PIEZO1: variants seen among roughly 807,000 people sequenced by gnomAD.
PIEZO1 encodes piezo-type mechanosensitive ion channel component 1.
Under a neutral mutation model 297.2 loss-of-function variants are expected in PIEZO1, and 296 were observed. The ratio of observed to expected loss-of-function variants is 1.00; its 90% confidence interval spans 0.91 to 1.10. The LOEUF is 1.10. Ranked by LOEUF, PIEZO1 falls within the 50% of genes least tolerant of loss-of-function variation. The pLI, the probability that PIEZO1 is intolerant of heterozygous loss-of-function variation, is 0.00. For missense variants in PIEZO1, 5,018 were observed against 3,455.5 expected (o/e 1.45, Z -11.34); for synonymous variants, 2,427 against 1,507.5 (o/e 1.61, Z -14.13).
intron 29 of PIEZO1, 107 bp from the exon 30 acceptor site, chr16:88,725,187 C>A (rs1196384048): frequency 3.7e-6 from 3 of 814,760 alleles, no homozygotes; most frequent in South Asian, 1.8e-5. Context: ...CAGACACGGA[C>A]ACCCACAGTG....
At chr16:88,784,320 T>C (rs1158270212) in intron 1 of PIEZO1, among the ~76,000 whole-genome samples, 6 of 152,164 alleles carry the variant, frequency 3.9e-5, no homozygotes. Context: ...ACACTATTTT[T>C]TTCCAAAGTG....
At chr16:88,730,990 C>A (rs745437313) in intron 22 of PIEZO1, among the ~76,000 whole-genome samples, 1 of 151,446 alleles carries the variant, frequency 6.6e-6, no homozygotes, top group Non-Finnish European at 1.5e-5. Flanking sequence ...GGTGGGACGC[C>A]CCTGAGCCGG....
At position 88,715,447 on chromosome 16, in the gene PIEZO1, T is replaced by G. The variant is rs924760381; in HGVS notation, c.*158A>C. Reference sequence around the variant, plus strand: ...AGGCCGTGGGGACGCAGTGTCCTTCTCTGACAGCAGCATCAGGGCTCAGGC... The same window carrying G: ...AGGCCGTGGGGACGCAGTGTCCTTCGCTGACAGCAGCATCAGGGCTCAGGC... On this transcript the variant is annotated 3_prime_UTR_variant, in exon 51 of 51. Coordinates refer to ENST00000301015, the MANE Select transcript of PIEZO1 (RefSeq NM_001142864.4). 2 of 951,250 alleles carry G rather than the reference T, an allele frequency of 2.1e-6. No individual in the cohort carries two copies. The highest frequency in any genetic ancestry group is 3.1e-6 in the Non-Finnish European group (2 of 644,976). The allele number at this position is 951,250 out of a possible 1,614,324, so 58.9% of individuals were successfully genotyped here. A position where few individuals can be genotyped will look rare whatever the true frequency, so the allele number is the denominator to read the frequency against.
At chr16:88,747,788 G>A (rs1906142278) in intron 2 of PIEZO1, among the ~76,000 whole-genome samples, 1 of 152,216 alleles carries the variant, frequency 6.6e-6, no homozygotes, top group East Asian at 1.9e-4. Context: ...ATTAGCCGGG[G>A]AGGCAGATGG....
rs143004911 is a variant in PIEZO1, at chr16:88,737,957, G to A, written c.997C>T (p.Arg333Cys). The A allele has an allele frequency of 8.1e-4, 1,238 of 1,532,492 alleles. 12 individuals are homozygous for A. In the East Asian group the frequency reaches 0.02, roughly 24 times the overall value. The allele number at this position is 1,532,492 out of a possible 1,614,324, so 94.9% of individuals were successfully genotyped here. The change falls in exon 8 of 51, where the codon CGC (arginine) becomes TGC (cysteine). Residue 333 changes from arginine (R) to cysteine (C), a missense_variant. Arg to Cys is a radical substitution (Grantham distance 180). Coordinates refer to ENST00000301015, the MANE Select transcript of PIEZO1 (RefSeq NM_001142864.4). ...CYATASLRKL[R>C]AYRPSGQRKE... Reference sequence around the variant, plus strand: ...ACCTGGCCGGAGGGGCGGTACGCGCGGAGCTTGCGCAGAGAGGCCGTGGCG... The same window carrying A: ...ACCTGGCCGGAGGGGCGGTACGCGCAGAGCTTGCGCAGAGAGGCCGTGGCG...
intron 39 of PIEZO1, among the ~76,000 whole-genome samples, chr16:88,720,956 C>A (rs1912394183): frequency 6.6e-6 from 1 of 152,174 alleles, no homozygotes; most frequent in Non-Finnish European, 1.5e-5. Context: ...GGCCAACAGT[C>A]ACCCTACACG....
intron 1 of PIEZO1, among the ~76,000 whole-genome samples, chr16:88,779,147 T>C (rs1447190323): frequency 6.6e-6 from 1 of 151,712 alleles, no homozygotes; most frequent in Non-Finnish European, 1.5e-5. Flanking sequence ...GTTCCGGCGA[T>C]TCTCCTGTCT....
At position 88,725,670 on chromosome 16, in the gene PIEZO1, T is replaced by C. The variant is rs1904371670; in HGVS notation, c.3983A>G (p.Tyr1328Cys). 6.5e-7 allele frequency: 1 copy of C among 1,545,156 alleles called. No individual in the cohort carries two copies. The highest frequency in any genetic ancestry group is 1.4e-5 in the African/African-American group (1 of 72,996). Reference sequence around the variant, plus strand: ...AATGCTCTTGAGGTTGGCAGCGTTGTAGAGGGCGAAGCCCCTGTAGGGAGG... The same window carrying C: ...AATGCTCTTGAGGTTGGCAGCGTTGCAGAGGGCGAAGCCCCTGTAGGGAGG... ...ALLASRGFAL[Y>C]NAANLKSIDF... Residue 1328 changes from tyrosine to cysteine, a missense_variant, in exon 28 of 51, where the codon TAC becomes TGC. Coordinates refer to ENST00000301015, the MANE Select transcript of PIEZO1 (RefSeq NM_001142864.4).
At chr16:88,753,448 TCA>T (rs943317305) in intron 1 of PIEZO1, among the ~76,000 whole-genome samples, 1 of 151,574 alleles carries the variant, frequency 6.6e-6, no homozygotes, top group African/African-American at 2.4e-5. Flanking sequence ...AGGGGCAGCC[TCA>T]CGGGTGGGAT....
rs1366384153 is a variant in PIEZO1 at position 88,726,244 on chromosome 16, C to T, written c.3968+40G>A. ...ACCTCCCATTGCCCCCTCCCAGCCC[C>T]AAGACGGGAGCTCTGGGCTGTGTCT... is the stretch of plus-strand genomic sequence containing the variant. On this transcript the variant is annotated intron_variant, in intron 27 of 50. Coordinates refer to ENST00000301015, the MANE Select transcript of PIEZO1 (RefSeq NM_001142864.4). 5 of 1,505,110 alleles carry T rather than the reference C, an allele frequency of 3.3e-6. No individual in the cohort carries two copies. In the South Asian group the frequency reaches 5.0e-5, roughly 15 times the overall value. The allele number at this position is 1,505,110 out of a possible 1,614,324, so 93.2% of individuals were successfully genotyped here.
Position 88,738,744 on chromosome 16 carries a change from G to A in PIEZO1, c.466-8C>T, listed in dbSNP as rs1436048405. The A allele has an allele frequency of 2.6e-6, 4 of 1,525,288 alleles. No homozygotes were observed. The highest frequency in any genetic ancestry group is 3.5e-6 in the Non-Finnish European group (4 of 1,138,484). 94.5% of individuals were successfully genotyped at this position (1,525,288 alleles called of 1,614,324 possible). A position where few individuals can be genotyped will look rare whatever the true frequency, so the allele number is the denominator to read the frequency against. ...ATCCCTCTCATCATCATCCTGCCAA[G>A]GTCACGGACAGGGGCAAGGTCAGGT... On this transcript the variant is annotated splice_region_variant and splice_polypyrimidine_tract_variant and intron_variant, in intron 5 of 50. Coordinates refer to ENST00000301015, the MANE Select transcript of PIEZO1 (RefSeq NM_001142864.4).
intron 22 of PIEZO1, 95 bp downstream of exon 22, chr16:88,731,611 G>A: frequency 1.1e-6 from 1 of 918,336 alleles, no homozygotes; most frequent in Admixed American, 2.1e-5. Context: ...CTAAGTCTAG[G>A]AGGGTGGACA....
chr16:88,719,540 C>T lies in PIEZO1; in HGVS notation c.6471+34G>A, dbSNP rs1396557290. On this transcript the variant is annotated intron_variant, in intron 44 of 50. Coordinates refer to ENST00000301015, the MANE Select transcript of PIEZO1 (RefSeq NM_001142864.4). ...TCTTAGGGAGAGGGCATATCCCTGG[C>T]CCTTGTCCCGGCCCCCGCCCTGGGC... The T allele has an allele frequency of 2.6e-6, 4 of 1,538,220 alleles. 1 individual carries two copies. The highest frequency in any genetic ancestry group is 1.4e-5 in the African/African-American group (1 of 72,836).
In PIEZO1 at chr16:88,726,303, T is replaced by A; in HGVS notation, c.3949A>T (p.Thr1317Ser). The change falls in exon 27 of 51, where the codon ACC becomes TCC. Residue 1317 changes from threonine (T) to serine (S), a missense_variant. Physicochemically the swap from Thr to Ser is moderately conservative, Grantham distance 58. Coordinates refer to ENST00000301015, the MANE Select transcript of PIEZO1 (RefSeq NM_001142864.4). ...YLHVRADLQA[T>S]ALLASRGFAL... ...GCTTGCCTGGAGGCTAGCAGGGCGG[T>A]GGCCTGGAGGTCGGCCCTGACGTGC... is the stretch of plus-strand genomic sequence containing the variant. 1.3e-6 allele frequency: 2 copies of A among 1,549,516 alleles called. No homozygotes were observed. The highest frequency in any genetic ancestry group is 2.4e-5 in the South Asian group (2 of 84,000).
rs534147613 is a variant in PIEZO1 at position 88,738,491 on chromosome 16, G to A, written c.635-51C>T. 231 of 1,521,098 alleles carry A rather than the reference G, an allele frequency of 1.5e-4. No individual in the cohort carries two copies. The East Asian group carries it at 1.7e-3, about 11-fold the overall frequency. 94.2% of individuals were successfully genotyped at this position (1,521,098 alleles called of 1,614,324 possible). A position where few individuals can be genotyped will look rare whatever the true frequency, so the allele number is the denominator to read the frequency against. ...GTACCTGGCCAGTGCCATGTGTCCCGCTGTCTCCACAGTCATCAGGGAACT... is the reference window on the plus strand; with the variant it reads ...GTACCTGGCCAGTGCCATGTGTCCCACTGTCTCCACAGTCATCAGGGAACT... On this transcript the variant is annotated intron_variant, in intron 6 of 50. Transcript: ENST00000301015.
At chr16:88,776,381 C>T (rs1907664602) in intron 1 of PIEZO1, among the ~76,000 whole-genome samples, 2 of 152,204 alleles carry the variant, frequency 1.3e-5, no homozygotes, top group South Asian at 4.1e-4. Context: ...TTGCAGTGAG[C>T]CCAGACTGGG....
intron 1 of PIEZO1, among the ~76,000 whole-genome samples, chr16:88,759,544 G>C (rs747564876): frequency 1.3e-5 from 2 of 152,204 alleles, no homozygotes; most frequent in African/African-American, 2.4e-5. Flanking sequence ...GGGCCGGGCA[G>C]AGGAAGAGAG....
At chr16:88,766,326 G>T (rs1907177680) in intron 1 of PIEZO1, among the ~76,000 whole-genome samples, 1 of 152,198 alleles carries the variant, frequency 6.6e-6, no homozygotes, top group Admixed American at 6.5e-5. Context: ...CGCACAGCCT[G>T]GACTCGAGAC....
intron 17 of PIEZO1, 23 bp from the exon 18 acceptor site, chr16:88,733,768 G>A (rs11649478): frequency 8.6e-6 from 13 of 1,511,966 alleles, no homozygotes; most frequent in South Asian, 1.2e-5. Context: ...GAGGGTCAGT[G>A]CGGGGCACAA....
Sources: allele counts gnomAD v4.1 joint callset (sites outside exome capture counted in the v4.1 genomes callset), GRCh38; gene constraint gnomAD v4.1.1; transcripts MANE v1.5; gene names NCBI Gene and HGNC (gene_info 2026-07-23, HGNC 2026-07-21).